Variants in KHDRBS3 observed in about 807,000 individuals in gnomAD.
The protein encoded by KHDRBS3 is KH RNA binding domain containing, signal transduction associated 3.
Under a neutral mutation model 45.6 loss-of-function variants are expected in KHDRBS3, and 23 were observed. That is an observed-to-expected ratio of 0.50 (90% CI 0.36 to 0.72). The LOEUF is 0.72. Ranked by LOEUF, KHDRBS3 falls within the 30% of genes least tolerant of loss-of-function variation. The probability of loss-of-function intolerance (pLI) is 0.00; values close to 1 mark genes in which losing one functional copy is unlikely to be tolerated. For synonymous variants in KHDRBS3, 162 were observed against 156.5 expected, an observed-to-expected ratio of 1.04 and a Z score of -0.26; for missense variants, 352 against 424.8, an observed-to-expected ratio of 0.83 and a Z score of 1.51.
At chr8:135,514,638 G>A (rs567360395) in intron 1 of KHDRBS3, among the ~76,000 whole-genome samples, 11 of 152,318 alleles carry the variant, frequency 7.2e-5, no homozygotes, top group African/African-American at 1.9e-4. Context: ...TCTGTTGCAC[G>A]ACAGTGTGGA....
intron 7 of KHDRBS3, among the ~76,000 whole-genome samples, chr8:135,618,590 G>A (rs963498425): frequency 1.5e-4 from 23 of 152,216 alleles, no homozygotes; most frequent in Non-Finnish European, 3.1e-4. Flanking sequence ...CTGAGTTGTA[G>A]TTTTATTTTT....
chr8:135,540,224 T>G (rs1039885892), intron 2 of KHDRBS3: 8 of 152,222 alleles, frequency 5.3e-5, no homozygotes, highest in African/African-American at 1.9e-4. Flanking sequence ...AAAATTTTGG[T>G]GCTTGCAAAA....
intron 7 of KHDRBS3, among the ~76,000 whole-genome samples, chr8:135,617,403 A>T (rs777787219): frequency 6.6e-6 from 1 of 151,904 alleles, no homozygotes; most frequent in Non-Finnish European, 1.5e-5. Flanking sequence ...TCAGCCTCCC[A>T]GGTAGCTGGG....
At chr8:135,544,947 C>T (rs899435707) in intron 3 of KHDRBS3, among the ~76,000 whole-genome samples, 2 of 151,972 alleles carry the variant, frequency 1.3e-5, no homozygotes. Context: ...CCCCACTCTG[C>T]TTGGTGGCCC....
chr8:135,530,337 A>T (rs1395831303), intron 2 of KHDRBS3, among the ~76,000 whole-genome samples: 1 of 152,236 alleles, frequency 6.6e-6, no homozygotes, highest in Non-Finnish European at 1.5e-5. Flanking sequence ...GAGATAGGAA[A>T]TGTGAACAGA....
intron 7 of KHDRBS3, among the ~76,000 whole-genome samples, chr8:135,642,146 CAA>C (rs1206447761): frequency 6.6e-6 from 1 of 152,190 alleles, no homozygotes; most frequent in East Asian, 1.9e-4. Context: ...GGAGAGCAAA[CAA>C]GAGAAGTTCT....
intron 7 of KHDRBS3, among the ~76,000 whole-genome samples, chr8:135,626,847 A>C (rs1830393463): frequency 6.8e-6 from 1 of 147,342 alleles, no homozygotes; most frequent in African/African-American, 2.4e-5. Context: ...GAACTGAGGC[A>C]GTTCTCATAA....
rs535181277 is a variant in KHDRBS3 at position 135,598,902 on chromosome 8, T to TA, written c.808-8052dup. On this transcript the variant is annotated intron_variant, in intron 6 of 8. Coordinates refer to ENST00000355849, the MANE Select transcript of KHDRBS3 (RefSeq NM_006558.3). ...AAAGTTAGATGTCAGATAGCATAAT[T>TA]ACAGTCTTTTAAAATGACTCAAAAC... 2.2e-4 allele frequency among the ~76,000 whole-genome samples: 33 copies of TA among 152,326 alleles called. No individual in the cohort carries two copies. In the South Asian group the frequency reaches 6.2e-3, roughly 29 times the overall value.
At chr8:135,569,018 C>T (rs1169071720) in intron 5 of KHDRBS3, among the ~76,000 whole-genome samples, 1 of 151,922 alleles carries the variant, frequency 6.6e-6, no homozygotes, top group African/African-American at 2.4e-5. Context: ...TTTGTTTAAA[C>T]AATGGTGTCT....
chr8:135,639,649 A>G (rs954284256), intron 7 of KHDRBS3, among the ~76,000 whole-genome samples: 14 of 152,226 alleles, frequency 9.2e-5, no homozygotes, highest in African/African-American at 3.1e-4. Context: ...GTAATTTGTA[A>G]TGAAAAGAGG....
chr8:135,655,458 G>C (rs1448334436), intron 4 of KHDRBS3, among the ~76,000 whole-genome samples: 2 of 152,212 alleles, frequency 1.3e-5, no homozygotes, highest in African/African-American at 4.8e-5. Flanking sequence ...GGTGGGAGAG[G>C]AGGGTGTCAA....
intron 6 of KHDRBS3, among the ~76,000 whole-genome samples, chr8:135,599,792 C>G (rs1829124112): frequency 6.6e-6 from 1 of 152,226 alleles, no homozygotes; most frequent in South Asian, 2.1e-4. Flanking sequence ...CTGGAGTCTT[C>G]TTGTTGGCTC....
intron 7 of KHDRBS3, among the ~76,000 whole-genome samples, chr8:135,636,536 G>T (rs1830820844): frequency 6.6e-6 from 1 of 152,188 alleles, no homozygotes; most frequent in East Asian, 1.9e-4. Flanking sequence ...GAAAGAGTTC[G>T]TGGGTCACAC....
chr8:135,574,269 A>G (rs1281780032), intron 5 of KHDRBS3, among the ~76,000 whole-genome samples: 2 of 120,958 alleles, frequency 1.7e-5, no homozygotes, highest in Non-Finnish European at 3.6e-5. Flanking sequence ...TTCTTCCACC[A>G]GTGTCATCTA....
At chr8:135,622,312 A>G (rs933311192) in intron 7 of KHDRBS3, among the ~76,000 whole-genome samples, 3 of 152,118 alleles carry the variant, frequency 2.0e-5, no homozygotes, top group African/African-American at 7.2e-5. Context: ...TCTTATCACA[A>G]TTTCTTATCT....
intron 1 of KHDRBS3, among the ~76,000 whole-genome samples, chr8:135,466,316 G>A (rs781699530): frequency 7.2e-5 from 11 of 152,144 alleles, no homozygotes; most frequent in Non-Finnish European, 1.6e-4. Context: ...TGACTTTCAC[G>A]TGAATTTAGT....
At chr8:135,583,031 C>T (rs1224538091) in intron 6 of KHDRBS3, among the ~76,000 whole-genome samples, 1 of 152,216 alleles carries the variant, frequency 6.6e-6, no homozygotes, top group East Asian at 1.9e-4. Context: ...TATACTGCCT[C>T]CTCAGCCTAG....
In KHDRBS3 at chr8:135,604,423, A is replaced by G. The variant is rs1488471055; in HGVS notation, c.808-2532A>G. ...TAATCCATTTACACTTAATGTAATT[A>G]CTGATAATGTAGGATTTATGCCTGC... On this transcript the variant is annotated intron_variant, in intron 6 of 8. Transcript: ENST00000355849. Among the ~76,000 whole-genome samples, 3 of 152,068 alleles carry G rather than the reference A, an allele frequency of 2.0e-5. No individual in the cohort carries two copies. The East Asian group carries it at 5.8e-4, about 29-fold the overall frequency.
chr8:135,588,614 G>A (rs1828597828), intron 6 of KHDRBS3, among the ~76,000 whole-genome samples: 1 of 152,134 alleles, frequency 6.6e-6, no homozygotes, highest in African/African-American at 2.4e-5. Flanking sequence ...CTTTCTGGAA[G>A]TCATCTTATT....
Sources: gnomAD v4.1 joint callset for allele counts (sites outside exome capture counted in the v4.1 genomes callset) on GRCh38, gnomAD v4.1.1 for gene constraint, MANE v1.5 for transcripts, NCBI Gene and HGNC (gene_info 2026-07-23, HGNC 2026-07-21) for gene names.